The following PTPRK variants were observed in gnomAD, a reference collection of about 807,000 sequenced individuals.
The protein encoded by PTPRK is receptor-type tyrosine-protein phosphatase kappa.
PTPRK carries 75 observed loss-of-function variants against 178.0 expected under a neutral mutation model. That is an observed-to-expected ratio of 0.42 (90% confidence interval 0.35 to 0.51). The LOEUF is 0.51. Among genes scored for constraint, PTPRK ranks in the 20% least tolerant of loss-of-function variants. The pLI is 0.02. For synonymous variants in PTPRK, 637 were observed against 620.6 expected, an observed-to-expected ratio of 1.03 and a Z score of -0.39; for missense variants, 1,441 against 1,797.8, an observed-to-expected ratio of 0.80 and a Z score of 3.59.
At chr6:128,327,275 C>T (rs916360767) in intron 2 of PTPRK, among the ~76,000 whole-genome samples, 1 of 152,066 alleles carries the variant, frequency 6.6e-6, no homozygotes, top group Non-Finnish European at 1.5e-5. Flanking sequence ...TCCATACTTT[C>T]TTCTAAAACT....
intron 11 of PTPRK, among the ~76,000 whole-genome samples, chr6:128,072,467 C>T (rs1782999176): frequency 6.6e-6 from 1 of 151,872 alleles, no homozygotes; most frequent in South Asian, 2.1e-4. Flanking sequence ...AATACAAAAC[C>T]TGTTTTATAA....
At chr6:128,258,882 C>A (rs1817749261) in intron 3 of PTPRK, among the ~76,000 whole-genome samples, 1 of 152,080 alleles carries the variant, frequency 6.6e-6, no homozygotes, top group Non-Finnish European at 1.5e-5. Flanking sequence ...ATGAGGGAGG[C>A]AGAGAGCAGA....
chr6:128,394,220 T>G (rs1353225691), intron 2 of PTPRK, among the ~76,000 whole-genome samples: 1 of 152,228 alleles, frequency 6.6e-6, no homozygotes, highest in Non-Finnish European at 1.5e-5. Flanking sequence ...TTATTTGCAG[T>G]ACAATATTTC....
chr6:128,214,378 T>C (rs778047309), intron 6 of PTPRK, among the ~76,000 whole-genome samples: 20 of 152,208 alleles, frequency 1.3e-4, no homozygotes, highest in Non-Finnish European at 2.5e-4. Context: ...ACTCTGTATG[T>C]CCTTCAGGAT....
chr6:128,347,449 A>C (rs1832572833), intron 2 of PTPRK, among the ~76,000 whole-genome samples: 1 of 152,206 alleles, frequency 6.6e-6, no homozygotes, highest in Non-Finnish European at 1.5e-5. Context: ...AAACTTGCAG[A>C]AACTGGAGAT....
chr6:128,255,630 C>A (rs1170419551), intron 3 of PTPRK, among the ~76,000 whole-genome samples: 1 of 152,182 alleles, frequency 6.6e-6, no homozygotes, highest in East Asian at 1.9e-4. Context: ...AAAGTATGAA[C>A]AAATTATCAA....
At chr6:128,351,892 A>G (rs190508578) in intron 2 of PTPRK, among the ~76,000 whole-genome samples, 1 of 152,208 alleles carries the variant, frequency 6.6e-6, no homozygotes, top group East Asian at 1.9e-4. Flanking sequence ...ATTTTCTTCA[A>G]TGTAGCTCAA....
chr6:128,493,046 T>G (rs1459063424), intron 1 of PTPRK, among the ~76,000 whole-genome samples: 2 of 152,310 alleles, frequency 1.3e-5, no homozygotes, highest in East Asian at 3.9e-4. Flanking sequence ...TATGTGTTTT[T>G]ATTGCTCTCT....
At chr6:128,412,115 A>G (rs1350724340) in intron 1 of PTPRK, among the ~76,000 whole-genome samples, 1 of 152,214 alleles carries the variant, frequency 6.6e-6, no homozygotes, top group Non-Finnish European at 1.5e-5. Flanking sequence ...GCAGATCTTA[A>G]TTTATTAGTG....
chr6:128,174,122 T>C (rs893200398), intron 7 of PTPRK, among the ~76,000 whole-genome samples: 1 of 151,036 alleles, frequency 6.6e-6, no homozygotes, highest in African/African-American at 2.5e-5. Context: ...TGTTTGTAGT[T>C]TTTAAAATAT....
rs1234517552 is a variant in PTPRK, at chr6:128,074,864, T to A, written c.1883+3949A>T. 2.6e-5 allele frequency among the ~76,000 whole-genome samples: 4 copies of A among 152,086 alleles called. No individual in the cohort carries two copies. In the South Asian group the frequency reaches 8.3e-4, roughly 32 times the overall value. On this transcript the variant is annotated intron_variant, in intron 11 of 29. Coordinates refer to ENST00000368226, the MANE Select transcript of PTPRK (RefSeq NM_002844.4). ...TATGTAAGCACAACACCATGATCTC[T>A]TAGAGATTAAAACTTGGTGAAAATA...
chr6:128,298,520 T>C (rs868842588), intron 3 of PTPRK, among the ~76,000 whole-genome samples: 11 of 151,978 alleles, frequency 7.2e-5, no homozygotes, highest in Admixed American at 3.3e-4. Flanking sequence ...GCTTATCCAC[T>C]ATGATCAAGT....
chr6:128,470,539 C>A (rs1249031739), intron 1 of PTPRK, among the ~76,000 whole-genome samples: 1 of 151,922 alleles, frequency 6.6e-6, no homozygotes, highest in Non-Finnish European at 1.5e-5. Context: ...CATCATCTTT[C>A]AAAAACACTA....
intron 7 of PTPRK, among the ~76,000 whole-genome samples, chr6:128,167,813 T>C (rs1799637994): frequency 6.6e-6 from 1 of 152,064 alleles, no homozygotes. Flanking sequence ...ACCTTCTTAA[T>C]ATTACTTCTA....
Position 128,520,361 on chromosome 6 carries a change from C to G in PTPRK, c.-3G>C. ...GCCGCCGCCGCAGTCGTATCCATGC[C>G]GAGTTTGGGAGAAGTTTCAAGCAGC... On this transcript the variant is annotated 5_prime_UTR_variant, in exon 1 of 30. Transcript: ENST00000368226. 5 of 1,603,442 alleles carry G rather than the reference C, an allele frequency of 3.1e-6. No homozygotes were observed. The highest frequency in any genetic ancestry group is 4.3e-6 in the Non-Finnish European group (5 of 1,174,688).
intron 3 of PTPRK, among the ~76,000 whole-genome samples, chr6:128,288,643 C>T (rs138846227): frequency 2.6e-5 from 4 of 152,028 alleles, no homozygotes; most frequent in Admixed American, 1.3e-4. Context: ...AGTAAGATAC[C>T]CCTCAAATAA....
At chr6:128,324,127 G>T (rs768908098) in intron 2 of PTPRK, among the ~76,000 whole-genome samples, 6 of 152,050 alleles carry the variant, frequency 3.9e-5, no homozygotes, top group African/African-American at 1.4e-4. Context: ...TTGTTACTGG[G>T]CCTCAGCATC....
intron 13 of PTPRK, among the ~76,000 whole-genome samples, chr6:128,045,447 C>T (rs1777890670): frequency 6.6e-6 from 1 of 151,922 alleles, no homozygotes; most frequent in African/African-American, 2.4e-5. Context: ...AAATTAAGAA[C>T]TCAGGTAAAA....
intron 7 of PTPRK, among the ~76,000 whole-genome samples, chr6:128,119,314 A>G (rs1315617117): frequency 6.6e-6 from 1 of 151,768 alleles, no homozygotes; most frequent in African/African-American, 2.4e-5. Flanking sequence ...GTTTCTTTAC[A>G]TTAAATTTCA....
Sources: gnomAD v4.1 joint callset for allele counts (sites outside exome capture counted in the v4.1 genomes callset) on GRCh38, gnomAD v4.1.1 for gene constraint, MANE v1.5 for transcripts, NCBI Gene and HGNC (gene_info 2026-07-23, HGNC 2026-07-21) for gene names.